VPS13C: variants seen among roughly 807,000 people sequenced by gnomAD.
The protein encoded by VPS13C is vacuolar protein sorting 13 homolog C.
A neutral mutation model predicts 456.8 loss-of-function variants in VPS13C; 358 were observed. That is an observed-to-expected ratio of 0.78 (90% CI 0.72 to 0.86). The LOEUF (loss-of-function observed/expected upper bound fraction) is 0.86, where lower values mean the gene tolerates loss of function less well. Among genes scored for constraint, VPS13C ranks in the 40% least tolerant of loss-of-function variants. The probability of loss-of-function intolerance (pLI) is 0.00; values close to 1 mark genes in which losing one functional copy is unlikely to be tolerated. For synonymous variants in VPS13C, 1,578 were observed against 1,486.7 expected (o/e 1.06, Z -1.41); for missense variants, 4,818 against 4,385.4 (o/e 1.10, Z -2.79).
chr15:61,947,161 A>G, intron 43 of VPS13C, 32 bp downstream of exon 43: 1 of 1,384,540 alleles, frequency 7.2e-7, no homozygotes, highest in Non-Finnish European at 9.9e-7. Flanking sequence ...GTAAAGAAAC[A>G]GAAATACCTA....
Position 61,869,991 on chromosome 15 carries a change from CTT to C in VPS13C, c.10625-370_10625-369del, listed in dbSNP as rs889577884. 1.8e-4 allele frequency among the ~76,000 whole-genome samples: 28 copies of C among 152,142 alleles called. No individual in the cohort carries two copies. The South Asian group carries it at 3.3e-3, about 18-fold the overall frequency. ...GTAAGAAGGGACCAGTAAACATTCTCTTTTTTAATGCTGACCGTTAGATTTTT... is the reference window on the plus strand; with the variant it reads ...GTAAGAAGGGACCAGTAAACATTCTCTTTTAATGCTGACCGTTAGATTTTT... On this transcript the variant is annotated intron_variant, in intron 79 of 84. Transcript: ENST00000644861.
chr15:61,900,444 T>C (rs987583296), intron 66 of VPS13C, among the ~76,000 whole-genome samples: 9 of 152,154 alleles, frequency 5.9e-5, no homozygotes, highest in Non-Finnish European at 1.0e-4. Context: ...TGTACAAAAA[T>C]CACAAGTATT....
chr15:62,002,722 T>A (rs2046673832), intron 15 of VPS13C, among the ~76,000 whole-genome samples: 1 of 152,188 alleles, frequency 6.6e-6, no homozygotes, highest in Non-Finnish European at 1.5e-5. Context: ...GGATCCAGTT[T>A]CAGCTTTCTA....
At chr15:61,915,567 A>G in intron 61 of VPS13C, 66 bp downstream of exon 61, 1 of 1,467,916 alleles carries the variant, frequency 6.8e-7, no homozygotes, top group Non-Finnish European at 9.1e-7. Context: ...AGGGAAGACA[A>G]ATGACTCCCA....
chr15:61,955,570 A>G (rs1259873752), intron 37 of VPS13C, among the ~76,000 whole-genome samples: 1 of 152,162 alleles, frequency 6.6e-6, no homozygotes, highest in African/African-American at 2.4e-5. Context: ...AGGTTTCCTA[A>G]CTATCACCTT....
At chr15:61,965,832 T>C (rs748422036) in intron 30 of VPS13C, among the ~76,000 whole-genome samples, 4 of 151,914 alleles carry the variant, frequency 2.6e-5, no homozygotes, top group Non-Finnish European at 5.9e-5. Flanking sequence ...AGTTCTTTTG[T>C]CTACAGCATT....
Position 62,041,366 on chromosome 15 carries a change from T to C in VPS13C, c.145A>G (p.Ser49Gly). 1 of 1,603,788 alleles carries C rather than the reference T, an allele frequency of 6.2e-7. No individual in the cohort carries two copies. Among genetic ancestry groups the C allele is most frequent in the Non-Finnish European group, 8.5e-7 (1 of 1,177,592 alleles). Residue 49 changes from serine to glycine, a missense_variant and splice_region_variant, in exon 3 of 85, where the codon AGT becomes GGT. By Grantham distance (56) the Ser-to-Gly change is moderately conservative. Coordinates refer to ENST00000644861, the MANE Select transcript of VPS13C (RefSeq NM_020821.3). ...ACTTTAAAAGGAACATCCAATTCACTCTTCAGAAGAAAGAGAAAATGTAAA... is the reference window on the plus strand; with the variant it reads ...ACTTTAAAAGGAACATCCAATTCACCCTTCAGAAGAAAGAGAAAATGTAAA... ...DNLQIKENAL[S>G]ELDVPFKVKA...
intron 66 of VPS13C, among the ~76,000 whole-genome samples, chr15:61,901,306 C>T (rs1209930902): frequency 1.3e-5 from 2 of 152,004 alleles, no homozygotes; most frequent in Non-Finnish European, 2.9e-5. Flanking sequence ...AAGAAACTAC[C>T]ATCAGAGTGA....
intron 24 of VPS13C, among the ~76,000 whole-genome samples, chr15:61,975,931 TATTTGTATTACATA>T (rs1399955327): frequency 6.6e-6 from 1 of 152,074 alleles, no homozygotes; most frequent in Non-Finnish European, 1.5e-5. Context: ...GATTTGGGAA[TATTTGTATTACATA>T]ATGAGATATC....
intron 66 of VPS13C, among the ~76,000 whole-genome samples, chr15:61,906,242 C>T (rs554131032): frequency 3.3e-5 from 5 of 152,290 alleles, no homozygotes; most frequent in South Asian, 2.1e-4. Flanking sequence ...AGGACATAAA[C>T]GATTTCCTTG....
intron 1 of VPS13C, among the ~76,000 whole-genome samples, chr15:62,050,552 C>T (rs1486990470): frequency 6.6e-6 from 1 of 152,192 alleles, no homozygotes; most frequent in Non-Finnish European, 1.5e-5. Context: ...AATCCCAACA[C>T]TTTGGGAGAC....
chr15:62,006,547 T>C (rs1025352910), intron 15 of VPS13C, among the ~76,000 whole-genome samples: 21 of 152,196 alleles, frequency 1.4e-4, no homozygotes, highest in Non-Finnish European at 1.2e-4. Flanking sequence ...CTATTGTGAA[T>C]AGTGCCGCAA....
Position 61,917,607 on chromosome 15 carries a change from T to C in VPS13C, c.7789A>G (p.Ile2597Val), listed in dbSNP as rs374612310. 2 of 1,612,330 alleles carry C rather than the reference T, an allele frequency of 1.2e-6. No homozygotes were observed. The highest frequency in any genetic ancestry group is 2.7e-5 in the African/African-American group (2 of 74,902). The change falls in exon 60 of 85, where the codon ATC (isoleucine) becomes GTC (valine). Residue 2597 changes from isoleucine to valine, a missense_variant. This residue lies in a region of VPS13C where 4,552 missense variants were observed against 4,130.6 expected (regional missense o/e 1.10). Coordinates refer to ENST00000644861, the MANE Select transcript of VPS13C (RefSeq NM_020821.3). The part of the protein sequence containing the change: ...RCQLFIQPAG[I>V]LEHQYKESTT... Reference sequence around the variant, plus strand: ...GATTCTTTGTACTGATGCTCTAAGATTCCAGCTGGCTGGATAAACAATTGA... The same window carrying C: ...GATTCTTTGTACTGATGCTCTAAGACTCCAGCTGGCTGGATAAACAATTGA...
At chr15:61,908,954 C>T in intron 65 of VPS13C, 38 bp downstream of exon 65, 1 of 1,596,106 alleles carries the variant, frequency 6.3e-7, no homozygotes, top group South Asian at 1.1e-5. Flanking sequence ...TACTATGAAC[C>T]AATAAAAGTA....
In VPS13C at chr15:62,008,722, T is replaced by C; in HGVS notation, c.1051A>G (p.Met351Val). The C allele has an allele frequency of 6.2e-7, 1 of 1,606,830 alleles. No individual in the cohort carries two copies. The highest frequency in any genetic ancestry group is 8.5e-7 in the Non-Finnish European group (1 of 1,176,286). The change falls in exon 14 of 85, where the codon ATG becomes GTG. Residue 351 changes from methionine (M) to valine (V), a missense_variant. Transcript: ENST00000644861. The part of the protein sequence containing the change: ...MIDLLESVDY[M>V]VRNAPYRKYK... ...TTCCTATAAGGCGCATTCCTAACCA[T>C]ATAATCCACTGACTCCAAAAGGTCA...
rs768888504 is a variant in VPS13C at position 61,854,455 on chromosome 15, G to A, written c.*2C>T. ...CCCTGTTGGAGCCCCTGAGGTCTGT[G>A]ATTAAGATGGCAATTGGGGTCTGAG... is the stretch of plus-strand genomic sequence containing the variant. On this transcript the variant is annotated 3_prime_UTR_variant, in exon 85 of 85. Transcript: ENST00000644861. The A allele has an allele frequency of 6.2e-7, 1 of 1,613,944 alleles. No individual in the cohort carries two copies. Among genetic ancestry groups the A allele is most frequent in the South Asian group, 1.1e-5 (1 of 91,076 alleles).
intron 47 of VPS13C, among the ~76,000 whole-genome samples, chr15:61,938,971 C>T (rs2140249546): frequency 6.6e-6 from 1 of 152,210 alleles, no homozygotes. Flanking sequence ...TAATATAAAA[C>T]TGATAGAACT....
intron 15 of VPS13C, among the ~76,000 whole-genome samples, chr15:62,006,763 C>T (rs997294199): frequency 6.6e-6 from 1 of 152,114 alleles, no homozygotes; most frequent in Non-Finnish European, 1.5e-5. Flanking sequence ...CTCTCCAGCA[C>T]CTGTTGTTTC....
chr15:61,951,933 T>G lies in VPS13C; in HGVS notation c.4347A>C (p.Leu1449Phe). Residue 1449 changes from leucine to phenylalanine, a missense_variant, in exon 39 of 85, where the codon TTA becomes TTC. Physicochemically the swap from Leu to Phe is conservative, Grantham distance 22. Transcript: ENST00000644861. ...CAAGTTGCAGGACATTTAGCTCATG[T>G]AAAGGCCTTCCTTTCTTTTCTGATT... ...MKKSEKKGRP[L>F]HELNVLQLGM... is the part of the protein sequence containing the mutation. 1 of 1,613,902 alleles carries G rather than the reference T, an allele frequency of 6.2e-7. No individual in the cohort carries two copies.
Sources: gnomAD v4.1 joint callset for allele counts (sites outside exome capture counted in the v4.1 genomes callset) on GRCh38, gnomAD v4.1.1 for gene constraint, gnomAD v4.1.1 regional missense constraint, MANE v1.5 for transcripts, NCBI Gene and HGNC (gene_info 2026-07-23, HGNC 2026-07-21) for gene names.